Variants in TBX15 observed in about 807,000 individuals in gnomAD.
TBX15 encodes T-box transcription factor TBX15.
A neutral mutation model predicts 53.9 loss-of-function variants in TBX15; 18 were observed. The ratio of observed to expected loss-of-function variants is 0.33; its 90% CI spans 0.23 to 0.49. The LOEUF (loss-of-function observed/expected upper bound fraction) is 0.49, where lower values mean the gene tolerates loss of function less well. TBX15 is among the 20% of genes least tolerant of loss of function. The probability of loss-of-function intolerance (pLI) is 0.98; values close to 1 mark genes in which losing one functional copy is unlikely to be tolerated. For synonymous variants in TBX15, 295 were observed against 278.0 expected (o/e 1.06, Z -0.61); for missense variants, 692 against 749.5 (o/e 0.92, Z 0.90).
chr1:118,986,262 G>T (rs185483726), intron 1 of TBX15, among the ~76,000 whole-genome samples: 26 of 152,346 alleles, frequency 1.7e-4, no homozygotes, highest in African/African-American at 5.1e-4. Flanking sequence ...TGCCTTTCTG[G>T]AATGCCCACG....
Position 118,926,547 on chromosome 1 carries a change from C to T in TBX15, c.484G>A (p.Ala162Thr). The T allele has an allele frequency of 6.2e-7, 1 of 1,613,940 alleles. No individual in the cohort carries two copies. Among genetic ancestry groups the T allele is most frequent in the Non-Finnish European group, 8.5e-7 (1 of 1,179,912 alleles). Residue 162 changes from alanine (A) to threonine (T), a missense_variant, in exon 3 of 8, where the codon GCA becomes ACA. Transcript: ENST00000369429. ...TTGTCCACAGGCACAATGTCCATTG[C>T]TATGTAGTACTGCTGATGTGGATCT... is the stretch of plus-strand genomic sequence containing the variant. ...GLDPHQQYYI[A>T]MDIVPVDNKR...
At position 118,885,305 on chromosome 1, in the gene TBX15, G is replaced by A. The variant is rs1653899795; in HGVS notation, c.1236C>T (p.Ser412=). ...AGCCACTGTCACTCAGCCCTGGGTAGCTCTGCAAGGCAGCCATGTTGCTTC... is the reference window on the plus strand; with the variant it reads ...AGCCACTGTCACTCAGCCCTGGGTAACTCTGCAAGGCAGCCATGTTGCTTC... ...CARSNMAALQ[S]YPGLSDSGYN... is the part of the protein sequence containing the mutation. The change falls in exon 8 of 8, where the codon AGC becomes AGT. Residue 412 remains serine, a synonymous_variant. Transcript: ENST00000369429. The A allele has an allele frequency of 2.5e-6, 4 of 1,614,014 alleles. No individual in the cohort carries two copies. Among genetic ancestry groups the A allele is most frequent in the African/African-American group, 1.3e-5 (1 of 74,924 alleles).
chr1:118,973,721 C>T (rs1657319635), intron 1 of TBX15, among the ~76,000 whole-genome samples: 1 of 151,946 alleles, frequency 6.6e-6, no homozygotes. Context: ...ACTGTTACAC[C>T]CAGTTCTCCA....
intron 1 of TBX15, among the ~76,000 whole-genome samples, chr1:118,964,241 T>C (rs77667857): frequency 0.048 from 7,245 of 152,356 alleles, 227 homozygotes; most frequent in Non-Finnish European, 0.065. Context: ...GGGCTGAACC[T>C]ATCCTGACTA....
Position 118,884,223 on chromosome 1 carries a change from G to GGA in TBX15, c.*508_*509insTC. The GGA allele has an allele frequency of 1.2e-5, 2 of 172,602 alleles. No individual in the cohort carries two copies. The allele number at this position is 172,602 out of a possible 1,614,324, so 10.7% of individuals were successfully genotyped here. A position where few individuals can be genotyped will look rare whatever the true frequency, so the allele number is the denominator to read the frequency against. On this transcript the variant is annotated 3_prime_UTR_variant, in exon 8 of 8. Coordinates refer to ENST00000369429, the MANE Select transcript of TBX15 (RefSeq NM_001330677.2). ...CCCACTCCATCTAGAGTTGTACACA[G>GGA]ACAAATTCTTGGTGAAAGCACCCAT...
chr1:118,919,485 C>A (rs2101579346), intron 5 of TBX15, among the ~76,000 whole-genome samples: 1 of 152,158 alleles, frequency 6.6e-6, no homozygotes, highest in East Asian at 1.9e-4. Flanking sequence ...GTCTATTGGT[C>A]AGTAAGCAAG....
At chr1:118,901,562 AT>A (rs946041966) in intron 6 of TBX15, among the ~76,000 whole-genome samples, 3 of 152,216 alleles carry the variant, frequency 2.0e-5, no homozygotes, top group African/African-American at 7.2e-5. Context: ...TCTATATAGA[AT>A]AGTGACTATT....
chr1:118,968,390 A>G (rs1039457325), intron 1 of TBX15, among the ~76,000 whole-genome samples: 4 of 152,084 alleles, frequency 2.6e-5, no homozygotes, highest in Non-Finnish European at 1.5e-5. Flanking sequence ...TATTTTTAGT[A>G]GAGATGGGGT....
chr1:118,906,929 A>G (rs1293044857), intron 6 of TBX15, among the ~76,000 whole-genome samples: 1 of 152,210 alleles, frequency 6.6e-6, no homozygotes, highest in Non-Finnish European at 1.5e-5. Context: ...GGGGCAATTC[A>G]TTAAAACTAC....
chr1:118,981,039 G>A (rs2101053535), intron 1 of TBX15, among the ~76,000 whole-genome samples: 1 of 152,174 alleles, frequency 6.6e-6, no homozygotes, highest in South Asian at 2.1e-4. Flanking sequence ...CACCATCTTG[G>A]CCAGGCTGGT....
chr1:118,885,838 C>T (rs1485368004), intron 7 of TBX15, among the ~76,000 whole-genome samples: 1 of 152,206 alleles, frequency 6.6e-6, no homozygotes, highest in Non-Finnish European at 1.5e-5. Flanking sequence ...CCAAGATTCA[C>T]GTTGCCATTT....
intron 4 of TBX15, 87 bp downstream of exon 4, chr1:118,924,559 A>G: frequency 6.7e-7 from 1 of 1,495,148 alleles, no homozygotes; most frequent in East Asian, 2.3e-5. Context: ...TCCTTATTTT[A>G]CCTATTTGAA....
intron 5 of TBX15, among the ~76,000 whole-genome samples, chr1:118,914,793 A>G (rs1157334357): frequency 6.6e-6 from 1 of 152,198 alleles, no homozygotes; most frequent in African/African-American, 2.4e-5. Context: ...GTCTTACCCA[A>G]AGGAAAATCT....
At chr1:118,922,411 G>A (rs1433582776) in intron 5 of TBX15, among the ~76,000 whole-genome samples, 2 of 152,138 alleles carry the variant, frequency 1.3e-5, no homozygotes, top group Non-Finnish European at 1.5e-5. Flanking sequence ...CCCAGCCACG[G>A]AGCAATGTAG....
intron 1 of TBX15, among the ~76,000 whole-genome samples, chr1:118,984,163 G>A (rs557143538): frequency 2.0e-5 from 3 of 152,098 alleles, no homozygotes; most frequent in Non-Finnish European, 4.4e-5. Flanking sequence ...GAGCTGACGG[G>A]TGCGTGCGAG....
intron 1 of TBX15, among the ~76,000 whole-genome samples, chr1:118,958,483 C>T (rs1005787251): frequency 4.6e-5 from 7 of 152,100 alleles, no homozygotes; most frequent in Admixed American, 2.0e-4. Flanking sequence ...CAATATCACG[C>T]CAATATTTTG....
intron 3 of TBX15, 108 bp from the exon 4 acceptor site, chr1:118,924,925 C>T (rs2101595790): frequency 4.2e-6 from 5 of 1,196,350 alleles, no homozygotes; most frequent in Non-Finnish European, 6.2e-6. Flanking sequence ...AAAGAGATTA[C>T]ATGAATGGAG....
intron 6 of TBX15, among the ~76,000 whole-genome samples, chr1:118,912,058 T>C (rs1655045159): frequency 6.6e-6 from 1 of 152,122 alleles, no homozygotes; most frequent in Non-Finnish European, 1.5e-5. Flanking sequence ...TGGCTGCTCA[T>C]AGGAAAGCAC....
intron 1 of TBX15, among the ~76,000 whole-genome samples, chr1:118,952,943 A>G (rs990044077): frequency 6.6e-6 from 1 of 152,172 alleles, no homozygotes; most frequent in African/African-American, 2.4e-5. Flanking sequence ...TCATATTTAG[A>G]TCCACCCACA....
Sources: allele counts gnomAD v4.1 joint callset (sites outside exome capture counted in the v4.1 genomes callset), GRCh38; gene constraint gnomAD v4.1.1; transcripts MANE v1.5; gene names NCBI Gene and HGNC (gene_info 2026-07-23, HGNC 2026-07-21).